BICC1: variants seen among roughly 807,000 people sequenced by gnomAD.
BICC1 encodes BicC family RNA binding protein 1.
Under a neutral mutation model 111.0 loss-of-function variants are expected in BICC1, and 43 were observed. The ratio of observed to expected loss-of-function variants is 0.39; its 90% confidence interval spans 0.30 to 0.50. The LOEUF (loss-of-function observed/expected upper bound fraction) is 0.50. BICC1 is among the 20% of genes least tolerant of loss of function. The pLI, the probability that BICC1 is intolerant of heterozygous loss-of-function variation, is 0.88. For synonymous variants in BICC1, 467 were observed against 434.4 expected (o/e 1.07, Z -0.93); for missense variants, 1,091 against 1,203.2 (o/e 0.91, Z 1.38).
chr10:58,582,072 A>G (rs1013983052), intron 1 of BICC1, among the ~76,000 whole-genome samples: 4 of 152,136 alleles, frequency 2.6e-5, no homozygotes, highest in African/African-American at 9.7e-5. Flanking sequence ...CTTAGCTTTC[A>G]ATTTTTGAAG....
chr10:58,766,461 A>G (rs1332386171), intron 3 of BICC1, among the ~76,000 whole-genome samples: 1 of 152,194 alleles, frequency 6.6e-6, no homozygotes, highest in Non-Finnish European at 1.5e-5. Flanking sequence ...TTATTTAGTG[A>G]TATAAATAAT....
intron 3 of BICC1, among the ~76,000 whole-genome samples, chr10:58,784,124 CT>C (rs1307245686): frequency 6.6e-6 from 1 of 151,976 alleles, no homozygotes; most frequent in Non-Finnish European, 1.5e-5. Context: ...TCTTCTTTTT[CT>C]TTTTTCATAA....
At chr10:58,708,149 ATT>A (rs1225115993) in intron 3 of BICC1, among the ~76,000 whole-genome samples, 3 of 70,052 alleles carry the variant, frequency 4.3e-5, no homozygotes, top group African/African-American at 1.1e-4. Flanking sequence ...TAGCCAGCCA[ATT>A]TTTTTTTTTT....
chr10:58,609,693 G>A (rs1047305915), intron 1 of BICC1, among the ~76,000 whole-genome samples: 33 of 152,272 alleles, frequency 2.2e-4, no homozygotes, highest in African/African-American at 7.2e-4. Flanking sequence ...ATTCAGACTA[G>A]TCACACTTTC....
chr10:58,742,646 C>A (rs1841707224), intron 3 of BICC1, among the ~76,000 whole-genome samples: 1 of 151,894 alleles, frequency 6.6e-6, no homozygotes, highest in Admixed American at 6.6e-5. Flanking sequence ...CCATATTGGC[C>A]AGTCTGGTCT....
At chr10:58,576,356 T>C (rs1369220363) in intron 1 of BICC1, among the ~76,000 whole-genome samples, 1 of 152,228 alleles carries the variant, frequency 6.6e-6, no homozygotes, top group Non-Finnish European at 1.5e-5. Flanking sequence ...CCTGGATTTT[T>C]ATTTCATTCC....
chr10:58,554,594 A>G (rs1843390698), intron 1 of BICC1, among the ~76,000 whole-genome samples: 1 of 152,080 alleles, frequency 6.6e-6, no homozygotes, highest in Non-Finnish European at 1.5e-5. Context: ...GGAAGAAAGT[A>G]TAAAGAAGGT....
intron 1 of BICC1, among the ~76,000 whole-genome samples, chr10:58,613,533 T>G (rs1382483143): frequency 6.6e-6 from 1 of 152,174 alleles, no homozygotes; most frequent in African/African-American, 2.4e-5. Flanking sequence ...ATGATTTGAG[T>G]CAATATATTA....
At chr10:58,671,812 G>T (rs1399804171) in intron 2 of BICC1, among the ~76,000 whole-genome samples, 1 of 152,032 alleles carries the variant, frequency 6.6e-6, no homozygotes, top group African/African-American at 2.4e-5. Context: ...CATGTAAATG[G>T]CTATCAAGGG....
At chr10:58,680,385 A>G (rs972632519) in intron 2 of BICC1, among the ~76,000 whole-genome samples, 1 of 151,922 alleles carries the variant, frequency 6.6e-6, no homozygotes, top group African/African-American at 2.4e-5. Flanking sequence ...CTATACGCCA[A>G]TAACAGACAG....
At position 58,803,456 on chromosome 10, in the gene BICC1, A is replaced by T. The variant is rs149399424; in HGVS notation, c.2181+214A>T. Among the ~76,000 whole-genome samples, 293 of 152,356 alleles carry T rather than the reference A, an allele frequency of 1.9e-3. 3 individuals carry two copies. Among genetic ancestry groups the T allele is most frequent in the African/African-American group, 6.5e-3 (270 of 41,572 alleles). On this transcript the variant is annotated intron_variant, in intron 15 of 20. Coordinates refer to ENST00000373886, the MANE Select transcript of BICC1 (RefSeq NM_001080512.3). The stretch of plus-strand genomic sequence containing the variant: ...CTTAAGTGAGAATTCTTTAAAATAT[A>T]TTAAAAATGGTGCAGAATGGTCTGT...
intron 3 of BICC1, among the ~76,000 whole-genome samples, chr10:58,727,399 T>A (rs2132543579): frequency 6.6e-6 from 1 of 152,090 alleles, no homozygotes; most frequent in Admixed American, 6.5e-5. Context: ...CCAGCCTGTG[T>A]ACCATGGTGC....
intron 3 of BICC1, among the ~76,000 whole-genome samples, chr10:58,779,293 G>T (rs1842825186): frequency 6.6e-6 from 1 of 152,162 alleles, no homozygotes; most frequent in Non-Finnish European, 1.5e-5. Context: ...CTTTGTATGG[G>T]GTTGTCAATG....
chr10:58,817,264 A>T (rs148099455), intron 18 of BICC1, among the ~76,000 whole-genome samples: 1 of 152,194 alleles, frequency 6.6e-6, no homozygotes, highest in Non-Finnish European at 1.5e-5. Context: ...TAAACAACAA[A>T]TGCTTCTGAC....
intron 20 of BICC1, chr10:58,823,566 A>G: frequency 1.0e-6 from 1 of 984,934 alleles, no homozygotes; most frequent in Non-Finnish European, 1.2e-6. Flanking sequence ...TTTTCAGAAT[A>G]AAGTTTTTAA....
At chr10:58,627,742 A>G (rs907669399) in intron 2 of BICC1, among the ~76,000 whole-genome samples, 12 of 152,166 alleles carry the variant, frequency 7.9e-5, no homozygotes, top group Admixed American at 2.0e-4. Context: ...AATTGTTTTT[A>G]TATCTTAGCG....
chr10:58,609,049 A>G (rs141300271), intron 1 of BICC1, among the ~76,000 whole-genome samples: 3 of 152,330 alleles, frequency 2.0e-5, no homozygotes, highest in Non-Finnish European at 4.4e-5. Context: ...ATTTAAAACA[A>G]GTTGGCTTGC....
At chr10:58,747,238 A>G (rs1214207222) in intron 3 of BICC1, among the ~76,000 whole-genome samples, 1 of 152,170 alleles carries the variant, frequency 6.6e-6, no homozygotes, top group Non-Finnish European at 1.5e-5. Context: ...TGCATTTGAT[A>G]AAGCCATGGT....
chr10:58,700,572 A>T (rs1840202199), intron 2 of BICC1, among the ~76,000 whole-genome samples: 2 of 152,198 alleles, frequency 1.3e-5, no homozygotes, highest in South Asian at 4.1e-4. Flanking sequence ...CAGTACCTTG[A>T]CTTAGTGAAG....
Sources: allele counts gnomAD v4.1 joint callset (sites outside exome capture counted in the v4.1 genomes callset), GRCh38; gene constraint gnomAD v4.1.1; transcripts MANE v1.5; gene names NCBI Gene and HGNC (gene_info 2026-07-23, HGNC 2026-07-21).